SOX5: variants seen among roughly 807,000 people sequenced by gnomAD.
SOX5 encodes the protein SRY-box transcription factor 5, also known as transcription factor SOX-5.
A neutral mutation model predicts 92.0 loss-of-function variants in SOX5; 9 were observed. The ratio of observed to expected loss-of-function variants is 0.10; its 90% CI spans 0.06 to 0.17. The LOEUF (loss-of-function observed/expected upper bound fraction) is 0.17. SOX5 is among the 10% of genes least tolerant of loss of function. The pLI is 1.00. For missense variants in SOX5, 642 were observed against 944.5 expected, an observed-to-expected ratio of 0.68 and a Z score of 4.20; for synonymous variants, 344 against 336.3, an observed-to-expected ratio of 1.02 and a Z score of -0.25.
rs1321080744 is a variant in SOX5 at position 23,578,143 on chromosome 12, A to AAAAAAAAAAAAAAAAAAAAAAAAC, written c.1165-2306_1165-2305insGTTTTTTTTTTTTTTTTTTTTTTT. On this transcript the variant is annotated intron_variant, in intron 9 of 14. Coordinates refer to ENST00000451604, the MANE Select transcript of SOX5 (RefSeq NM_006940.6). ...AAAAAAAAAAAAAAAAAAAAAAAAA[A>AAAAAAAAAAAAAAAAAAAAAAAAC]AAAAAAACTATAGGGGCAATATTAT... 2.4e-5 allele frequency among the ~76,000 whole-genome samples: 3 copies of AAAAAAAAAAAAAAAAAAAAAAAAC among 126,114 alleles called. 1 individual carries two copies. The highest frequency in any genetic ancestry group is 1.7e-5 in the Non-Finnish European group (1 of 57,618). The allele number at this position is 126,114 out of a possible 152,430, so 82.7% of individuals were successfully genotyped here.
chr12:24,294,545 C>T (rs1397343470), intron 2 of SOX5, among the ~76,000 whole-genome samples: 4 of 152,122 alleles, frequency 2.6e-5, no homozygotes, highest in Non-Finnish European at 2.9e-5. Flanking sequence ...TGAGAAGCAC[C>T]GCCCCTTCCA....
intron 4 of SOX5, among the ~76,000 whole-genome samples, chr12:23,987,047 A>G (rs1950124752): frequency 6.6e-6 from 1 of 152,186 alleles, no homozygotes; most frequent in Non-Finnish European, 1.5e-5. Flanking sequence ...CTATACATTT[A>G]AAAGACTGAT....
intron 1 of SOX5, among the ~76,000 whole-genome samples, chr12:24,495,406 C>T (rs969484286): frequency 1.3e-5 from 2 of 152,144 alleles, no homozygotes; most frequent in Non-Finnish European, 2.9e-5. Context: ...GCAATTAGAA[C>T]TACAAAGAGC....
chr12:23,786,380 A>G (rs1013948580), intron 3 of SOX5, among the ~76,000 whole-genome samples: 1 of 151,982 alleles, frequency 6.6e-6, no homozygotes, highest in Admixed American at 6.5e-5. Flanking sequence ...AATGATAATT[A>G]CTGCTTAGAT....
chr12:24,308,465 G>A (rs74423735), intron 2 of SOX5, among the ~76,000 whole-genome samples: 1,929 of 152,174 alleles, frequency 0.013, 44 homozygotes, highest in African/African-American at 0.045. Context: ...ACTTGCCTCT[G>A]TCTCTCCTTC....
At chr12:24,262,747 C>T (rs1001577500) in intron 3 of SOX5, among the ~76,000 whole-genome samples, 1 of 152,174 alleles carries the variant, frequency 6.6e-6, no homozygotes, top group Non-Finnish European at 1.5e-5. Flanking sequence ...GACAAAGGTC[C>T]CATTTTCCTT....
intron 4 of SOX5, among the ~76,000 whole-genome samples, chr12:23,998,168 A>G (rs1353025167): frequency 6.6e-6 from 1 of 152,186 alleles, no homozygotes; most frequent in Non-Finnish European, 1.5e-5. Flanking sequence ...ATTATGTACA[A>G]GAAATTAAAC....
At chr12:24,156,076 C>A (rs1358715910) in intron 4 of SOX5, among the ~76,000 whole-genome samples, 2 of 152,114 alleles carry the variant, frequency 1.3e-5, no homozygotes, top group Non-Finnish European at 2.9e-5. Flanking sequence ...AATTTTCCTC[C>A]GAGCACACAT....
At chr12:23,807,586 C>G (rs930629033) in intron 3 of SOX5, among the ~76,000 whole-genome samples, 1 of 151,822 alleles carries the variant, frequency 6.6e-6, no homozygotes, top group African/African-American at 2.4e-5. Flanking sequence ...CATGGCTCTG[C>G]TGACAACTTG....
At chr12:24,492,223 C>G (rs140537627) in intron 1 of SOX5, among the ~76,000 whole-genome samples, 2 of 152,168 alleles carry the variant, frequency 1.3e-5, no homozygotes, top group Admixed American at 6.5e-5. Flanking sequence ...GTAGTACCAA[C>G]GAAAGCTCAA....
At chr12:23,713,022 T>C (rs967818501) in intron 6 of SOX5, among the ~76,000 whole-genome samples, 1 of 152,178 alleles carries the variant, frequency 6.6e-6, no homozygotes, top group African/African-American at 2.4e-5. Flanking sequence ...TATTTGAAAA[T>C]AGAGTCTTTG....
chr12:24,445,121 ACT>A (rs1327935167), intron 1 of SOX5, among the ~76,000 whole-genome samples: 1 of 152,196 alleles, frequency 6.6e-6, no homozygotes, highest in Non-Finnish European at 1.5e-5. Flanking sequence ...AGTCACAAGT[ACT>A]TACAAGTAAG....
At chr12:24,482,404 T>C (rs1018779124) in intron 1 of SOX5, among the ~76,000 whole-genome samples, 3 of 152,174 alleles carry the variant, frequency 2.0e-5, no homozygotes, top group South Asian at 2.1e-4. Flanking sequence ...CTCATAGACT[T>C]TTCAGTCTTT....
At chr12:23,943,934 T>C (rs1944114384) in intron 1 of SOX5, among the ~76,000 whole-genome samples, 1 of 152,114 alleles carries the variant, frequency 6.6e-6, no homozygotes. Flanking sequence ...AAAAAACGCA[T>C]GTTAACAAGT....
intron 4 of SOX5, among the ~76,000 whole-genome samples, chr12:24,030,444 A>G (rs1955372687): frequency 6.6e-6 from 1 of 151,970 alleles, no homozygotes; most frequent in Admixed American, 6.6e-5. Context: ...ATAATGAGGA[A>G]CAGATAGTCT....
chr12:24,539,444 G>T (rs1268210853), intron 1 of SOX5, among the ~76,000 whole-genome samples: 1 of 152,110 alleles, frequency 6.6e-6, no homozygotes, highest in Non-Finnish European at 1.5e-5. Context: ...TGTTACAAAA[G>T]TGTGTTCCAG....
chr12:23,818,857 C>T (rs1312087408), intron 3 of SOX5, among the ~76,000 whole-genome samples: 1 of 152,042 alleles, frequency 6.6e-6, no homozygotes, highest in African/African-American at 2.4e-5. Context: ...AGGGACTACA[C>T]GGGGCCAGAA....
chr12:23,919,779 G>A (rs994983011), intron 1 of SOX5, among the ~76,000 whole-genome samples: 1 of 152,076 alleles, frequency 6.6e-6, no homozygotes, highest in Admixed American at 6.5e-5. Flanking sequence ...GCCACTACAT[G>A]GTTTCTACTG....
Position 24,056,757 on chromosome 12 carries a change from C to T in SOX5, c.-2+156586G>A, listed in dbSNP as rs1434854991. Among the ~76,000 whole-genome samples, 8 of 151,334 alleles carry T rather than the reference C, an allele frequency of 5.3e-5. 1 individual carries two copies. The East Asian group carries it at 5.8e-4, about 11-fold the overall frequency. ...TTGGGAGGCCGAGGCGGGCGGATCA[C>T]GAGGTCAGGAGATCGAGACCATCCC... On this transcript the variant is annotated intron_variant, in intron 4 of 4. Transcript: ENST00000446891.
Sources: allele counts gnomAD v4.1 joint callset (sites outside exome capture counted in the v4.1 genomes callset), GRCh38; gene constraint gnomAD v4.1.1; transcripts MANE v1.5; gene names NCBI Gene and HGNC (gene_info 2026-07-23, HGNC 2026-07-21).